NLRP11: variants seen among roughly 807,000 people sequenced by gnomAD.
NLRP11 encodes the protein NACHT, LRR and PYD domains-containing protein 11.
NLRP11 carries 53 observed loss-of-function variants against 79.3 expected under a neutral mutation model. That is an observed-to-expected ratio of 0.67 (90% CI 0.54 to 0.84). The LOEUF (loss-of-function observed/expected upper bound fraction) is 0.84. Ranked by LOEUF, NLRP11 falls within the 40% of genes least tolerant of loss-of-function variation. The pLI, the probability that NLRP11 is intolerant of heterozygous loss-of-function variation, is 0.00. For missense variants in NLRP11, 1,264 were observed against 1,255.0 expected, an observed-to-expected ratio of 1.01 and a Z score of -0.11; for synonymous variants, 518 against 462.6, an observed-to-expected ratio of 1.12 and a Z score of -1.54.
chr19:55,833,825 G>GA (rs1222927478), upstream of NLRP11, among the ~76,000 whole-genome samples: 4 of 137,970 alleles, frequency 2.9e-5, no homozygotes, highest in South Asian at 2.4e-4. Flanking sequence ...AAATAATAGT[G>GA]AAAAAAACAT....
intron 7 of NLRP11, among the ~76,000 whole-genome samples, chr19:55,791,834 G>A (rs1022202935): frequency 6.6e-6 from 1 of 152,158 alleles, no homozygotes; most frequent in Non-Finnish European, 1.5e-5. Context: ...TAAATTAGAT[G>A]TCTTTGGTAG....
At chr19:55,813,169 A>G (rs1176958997) in intron 2 of NLRP11, among the ~76,000 whole-genome samples, 1 of 152,120 alleles carries the variant, frequency 6.6e-6, no homozygotes, top group Non-Finnish European at 1.5e-5. Context: ...CTCTACTAAA[A>G]ATACAAAAAT....
At chr19:55,817,177 T>A (rs1336552656) in intron 2 of NLRP11, among the ~76,000 whole-genome samples, 6 of 151,988 alleles carry the variant, frequency 3.9e-5, no homozygotes, top group Non-Finnish European at 8.8e-5. Context: ...AAAAAAAATT[T>A]AAAAAATAGA....
chr19:55,832,724 T>C (rs997466274), upstream of NLRP11: 3 of 152,196 alleles, frequency 2.0e-5, no homozygotes, highest in Non-Finnish European at 4.4e-5. Context: ...TGTATCTTTG[T>C]AAGTTAGGAA....
At chr19:55,797,316 A>G (rs1979022102) in intron 5 of NLRP11, among the ~76,000 whole-genome samples, 2 of 152,140 alleles carry the variant, frequency 1.3e-5, no homozygotes, top group South Asian at 4.1e-4. Context: ...AATAAATAAA[A>G]TAAGTAGAAT....
intron 6 of NLRP11, among the ~76,000 whole-genome samples, chr19:55,795,096 C>T (rs192224781): frequency 6.6e-6 from 1 of 152,134 alleles, no homozygotes; most frequent in Admixed American, 6.6e-5. Flanking sequence ...TTACAGATCT[C>T]CGCCCTTCAT....
At chr19:55,815,850 G>A (rs539580427) in intron 2 of NLRP11, among the ~76,000 whole-genome samples, 109 of 152,308 alleles carry the variant, frequency 7.2e-4, no homozygotes, top group Admixed American at 2.8e-3. Flanking sequence ...ATCAGGGACA[G>A]GGGTATGTGA....
At chr19:55,789,375 G>A (rs114044008) in exon 8 of NLRP11, 16 of 1,613,510 alleles carry the variant, frequency 9.9e-6, no homozygotes, top group East Asian at 6.7e-5. Flanking sequence ...GACAGATATC[G>A]CTGCTAAAGA....
intron 4 of NLRP11, among the ~76,000 whole-genome samples, chr19:55,802,785 C>T (rs531612184): frequency 2.0e-5 from 3 of 152,218 alleles, no homozygotes; most frequent in Admixed American, 2.0e-4. Context: ...GCTATGATAA[C>T]CAAAACAGCA....
chr19:55,802,715 C>T (rs1310326262), intron 4 of NLRP11, among the ~76,000 whole-genome samples: 1 of 152,134 alleles, frequency 6.6e-6, no homozygotes, highest in Non-Finnish European at 1.5e-5. Flanking sequence ...ACAATCAATC[C>T]TAAGCAAAAA....
At chr19:55,816,825 T>C (rs7256560) in intron 2 of NLRP11, among the ~76,000 whole-genome samples, 33,985 of 152,106 alleles carry the variant, frequency 0.22, 5,814 homozygotes, top group African/African-American at 0.48. Context: ...TAAGCTGGTT[T>C]GCATAATAAC....
upstream of NLRP11, among the ~76,000 whole-genome samples, chr19:55,834,640 C>A (rs1983077176): frequency 6.6e-6 from 1 of 152,110 alleles, no homozygotes; most frequent in Non-Finnish European, 1.5e-5. Context: ...CCTGTGGGCT[C>A]ACTGATGTGT....
exon 10 of NLRP11, chr19:55,785,797 A>C (rs1432172357): frequency 6.2e-7 from 1 of 1,614,172 alleles, no homozygotes; most frequent in East Asian, 2.2e-5. Flanking sequence ...AGACAGAAAG[A>C]TCAAACTGGG....
At chr19:55,816,747 C>A (rs7255579) in intron 2 of NLRP11, among the ~76,000 whole-genome samples, 33,967 of 152,106 alleles carry the variant, frequency 0.22, 5,813 homozygotes, top group African/African-American at 0.48. Flanking sequence ...ACAGAGCTCT[C>A]TGCTGGGAAA....
chr19:55,800,118 C>T (rs66511628), intron 5 of NLRP11, among the ~76,000 whole-genome samples: 40,002 of 151,890 alleles, frequency 0.26, 6,913 homozygotes, highest in African/African-American at 0.49. Context: ...CAGGAGGTGC[C>T]GTTAGAGCAT....
chr19:55,835,532 C>T (rs995125648), upstream of NLRP11, among the ~76,000 whole-genome samples: 1 of 143,624 alleles, frequency 7.0e-6, no homozygotes, highest in African/African-American at 2.6e-5. Flanking sequence ...GAAACCCTGT[C>T]TCTACTGAAA....
chr19:55,806,454 T>C (rs1221950309), intron 4 of NLRP11, among the ~76,000 whole-genome samples: 3 of 152,140 alleles, frequency 2.0e-5, no homozygotes. Context: ...TCTCTCCTAG[T>C]CTAGATTTAA....
chr19:55,817,057 C>A (rs1245422179), intron 2 of NLRP11, among the ~76,000 whole-genome samples: 4 of 151,924 alleles, frequency 2.6e-5, no homozygotes, highest in African/African-American at 9.7e-5. Context: ...ATCTGATAGT[C>A]CTTGAAAAAA....
chr19:55,833,288 G>A (rs765653481), upstream of NLRP11, among the ~76,000 whole-genome samples: 3 of 152,012 alleles, frequency 2.0e-5, no homozygotes, highest in Non-Finnish European at 4.4e-5. Flanking sequence ...TTTATATTCA[G>A]TAAAACAATA....
Sources: gnomAD v4.1 joint callset for allele counts (sites outside exome capture counted in the v4.1 genomes callset) on GRCh38, gnomAD v4.1.1 for gene constraint, MANE v1.5 for transcripts, NCBI Gene and HGNC (gene_info 2026-07-23, HGNC 2026-07-21) for gene names.